SHANK2: variants seen among roughly 807,000 people sequenced by gnomAD.
SHANK2 encodes the protein SH3 and multiple ankyrin repeat domains protein 2.
SHANK2 carries 43 observed loss-of-function variants against 133.7 expected under a neutral mutation model. The observed-to-expected ratio is 0.32, with a 90% confidence interval of 0.25 to 0.41. SHANK2 has a LOEUF of 0.41. Ranked by LOEUF, SHANK2 falls within the 10% of genes least tolerant of loss-of-function variation. The pLI is 1.00. For synonymous variants in SHANK2, 1,017 were observed against 952.8 expected, an observed-to-expected ratio of 1.07 and a Z score of -1.24; for missense variants, 1,994 against 2,235.8, an observed-to-expected ratio of 0.89 and a Z score of 2.18.
intron 8 of SHANK2, among the ~76,000 whole-genome samples, chr11:71,089,875 T>G (rs2135093120): frequency 6.6e-6 from 1 of 152,212 alleles, no homozygotes; most frequent in East Asian, 1.9e-4. Flanking sequence ...AACCGTTGGT[T>G]GACAAAGGGG....
chr11:71,079,022 C>T (rs1951256732), intron 8 of SHANK2, among the ~76,000 whole-genome samples: 1 of 152,210 alleles, frequency 6.6e-6, no homozygotes, highest in African/African-American at 2.4e-5. Flanking sequence ...GCTCACCTGC[C>T]CTGCATCAAA....
Position 70,485,228 on chromosome 11 carries a change from G to A in SHANK2, c.4979+86C>T, listed in dbSNP as rs1320090981. On this transcript the variant is annotated intron_variant, in intron 25 of 25. Transcript: ENST00000601538. This position sits in a 1 kb window ranked among gnomAD's most constrained non-coding sequence, Gnocchi z 5.8. The stretch of plus-strand genomic sequence containing the variant: ...TTTACGAATTCCCCTCTTCGTGTCC[G>A]CTGGGGCTGCTACCCGAGGGCCTTT... The A allele has an allele frequency of 1.1e-5, 13 of 1,152,896 alleles. No individual in the cohort carries two copies. The highest frequency in any genetic ancestry group is 1.3e-5 in the Non-Finnish European group (10 of 771,152). 71.4% of individuals were successfully genotyped at this position (1,152,896 alleles called of 1,614,324 possible). A position where few individuals can be genotyped will look rare whatever the true frequency, so the allele number is the denominator to read the frequency against.
intron 14 of SHANK2, among the ~76,000 whole-genome samples, chr11:70,777,073 CCACT>C (rs1205168925): frequency 2.0e-5 from 3 of 151,480 alleles, no homozygotes; most frequent in African/African-American, 7.3e-5. Flanking sequence ...ATCCATTCAC[CCACT>C]CATTCACTCA....
At chr11:70,548,630 C>T (rs2059725978) in intron 17 of SHANK2, among the ~76,000 whole-genome samples, 1 of 152,176 alleles carries the variant, frequency 6.6e-6, no homozygotes, top group Non-Finnish European at 1.5e-5. Context: ...GAGAGGCTGC[C>T]CTGCGCAAGT....
intron 9 of SHANK2, among the ~76,000 whole-genome samples, chr11:71,068,163 T>C (rs1278063313): frequency 6.6e-6 from 1 of 152,164 alleles, no homozygotes; most frequent in African/African-American, 2.4e-5. Flanking sequence ...CCATCAGCAC[T>C]GCCATCATCA....
chr11:71,249,741 C>T (rs1207992700), intron 1 of SHANK2, among the ~76,000 whole-genome samples: 1 of 152,226 alleles, frequency 6.6e-6, no homozygotes, highest in Non-Finnish European at 1.5e-5. Flanking sequence ...GGAAGTAAGG[C>T]AAGTATGCTA....
intron 11 of SHANK2, among the ~76,000 whole-genome samples, chr11:70,847,622 C>T (rs984821189): frequency 3.3e-5 from 5 of 152,348 alleles, no homozygotes; most frequent in African/African-American, 7.2e-5. Flanking sequence ...TCAGCAGCGA[C>T]GCCATCCAGG....
chr11:71,178,610 A>G (rs1443587284), intron 2 of SHANK2, among the ~76,000 whole-genome samples: 2 of 152,238 alleles, frequency 1.3e-5, no homozygotes, highest in African/African-American at 2.4e-5. Context: ...ACAACAATTT[A>G]AAAAGTCTTT....
chr11:70,913,908 T>A (rs1276810222), intron 10 of SHANK2, among the ~76,000 whole-genome samples: 3 of 152,244 alleles, frequency 2.0e-5, no homozygotes, highest in Admixed American at 2.0e-4. Context: ...ATCATCTCAT[T>A]GTTCAGGTAA....
chr11:70,952,861 A>G (rs1555086989), intron 10 of SHANK2: 1 of 360,674 alleles, frequency 2.8e-6, no homozygotes, highest in Admixed American at 3.1e-5. Context: ...GGCTTCAAGC[A>G]ACAAACCTTC....
chr11:71,092,253 C>T (rs1555094174), intron 8 of SHANK2, among the ~76,000 whole-genome samples, 169 bp downstream of exon 8: 2 of 152,218 alleles, frequency 1.3e-5, no homozygotes. Context: ...CTGACGTTCA[C>T]ATTTTAAAAT....
intron 2 of SHANK2, among the ~76,000 whole-genome samples, chr11:71,213,936 C>T (rs894583884): frequency 2.0e-5 from 3 of 152,170 alleles, no homozygotes; most frequent in African/African-American, 4.8e-5. Flanking sequence ...ACCATGCACT[C>T]GCATGCACAA....
intron 12 of SHANK2, among the ~76,000 whole-genome samples, chr11:70,814,873 G>C (rs961349050): frequency 1.3e-5 from 2 of 152,218 alleles, no homozygotes; most frequent in Admixed American, 6.5e-5. Context: ...CCTTGGGACT[G>C]GCTGCCACTT....
At chr11:70,522,209 G>A (rs1391775371) in intron 17 of SHANK2, among the ~76,000 whole-genome samples, 2 of 152,172 alleles carry the variant, frequency 1.3e-5, no homozygotes, top group African/African-American at 2.4e-5. Flanking sequence ...AGCCGCCATC[G>A]CCGTTTCTGC....
chr11:70,485,244 G>T lies in SHANK2; in HGVS notation c.4979+70C>A. 2 of 1,356,014 alleles carry T rather than the reference G, an allele frequency of 1.5e-6. No individual in the cohort carries two copies. The highest frequency in any genetic ancestry group is 1.2e-5 in the South Asian group (1 of 85,904). The allele number at this position is 1,356,014 out of a possible 1,614,324, so 84.0% of individuals were successfully genotyped here. On this transcript the variant is annotated intron_variant, in intron 25 of 25. Transcript: ENST00000601538. The surrounding 1 kb of genome is among the most constrained non-coding windows in gnomAD (Gnocchi z 5.8). ...TTCGTGTCCGCTGGGGCTGCTACCC[G>T]AGGGCCTTTCCTGGTCAGCAGGGAC...
At chr11:70,819,871 C>A (rs545335812) in intron 12 of SHANK2, among the ~76,000 whole-genome samples, 34 of 152,298 alleles carry the variant, frequency 2.2e-4, no homozygotes, top group Admixed American at 3.9e-4. Context: ...GCCTCTCCGG[C>A]CCCCAGCATT....
chr11:70,789,188 G>T (rs1234632059), intron 14 of SHANK2, among the ~76,000 whole-genome samples: 1 of 152,106 alleles, frequency 6.6e-6, no homozygotes, highest in African/African-American at 2.4e-5. Context: ...TACACAACAC[G>T]TGTTTCCTTA....
rs1391167892 is a variant in SHANK2 at position 70,830,459 on chromosome 11, GCC to G, written c.1175-9779_1175-9778del. On this transcript the variant is annotated intron_variant, in intron 11 of 25. Coordinates refer to ENST00000601538, the MANE Select transcript of SHANK2 (RefSeq NM_012309.5). This position sits in a 1 kb window ranked among gnomAD's most constrained non-coding sequence, Gnocchi z 4.4. ...CTCCTGCCATCTGCACACAGGCCCG[GCC>G]CTTCACCCTCCAAGCCACGGAGACC... Among the ~76,000 whole-genome samples the G allele has an allele frequency of 2.6e-5, 4 of 152,152 alleles. No homozygotes were observed. The highest frequency in any genetic ancestry group is 5.9e-5 in the Non-Finnish European group (4 of 68,028).
At chr11:71,080,655 G>A (rs1366005445) in intron 8 of SHANK2, among the ~76,000 whole-genome samples, 4 of 152,142 alleles carry the variant, frequency 2.6e-5, no homozygotes. Context: ...GTGACATGAG[G>A]TAGAGACACC....
Sources: allele counts gnomAD v4.1 joint callset (sites outside exome capture counted in the v4.1 genomes callset), GRCh38; gene constraint gnomAD v4.1.1; non-coding constraint Gnocchi (gnomAD v3.1); transcripts MANE v1.5; gene names NCBI Gene and HGNC (gene_info 2026-07-23, HGNC 2026-07-21).